CES5A: variants seen among roughly 807,000 people sequenced by gnomAD.
CES5A encodes carboxylesterase 5A, also known as carboxylesterase 5.
CES5A carries 67 observed loss-of-function variants against 62.9 expected under a neutral mutation model. The observed-to-expected ratio is 1.07, with a 90% CI of 0.88 to 1.31. CES5A has a LOEUF of 1.31. Among genes scored for constraint, CES5A ranks in the 50% most tolerant of loss-of-function variants. CES5A has a pLI of 0.00. For synonymous variants in CES5A, 296 were observed against 280.8 expected, an observed-to-expected ratio of 1.05 and a Z score of -0.54; for missense variants, 748 against 708.5, an observed-to-expected ratio of 1.06 and a Z score of -0.63.
At chr16:55,930,533 CCTTGTGCCACCT>C (rs1833927268) in intron 2 of CES5A, among the ~76,000 whole-genome samples, 1 of 152,142 alleles carries the variant, frequency 6.6e-6, no homozygotes, top group East Asian at 1.9e-4. Flanking sequence ...CCATGTGATG[CCTTGTGCCACCT>C]TGGGACTCTG....
At chr16:55,943,024 A>G (rs2034460847) in intron 2 of CES5A, among the ~76,000 whole-genome samples, 1 of 152,242 alleles carries the variant, frequency 6.6e-6, no homozygotes, top group South Asian at 2.1e-4. Flanking sequence ...TTGGCTACAA[A>G]TGAGCCCAAG....
chr16:55,890,379 T>C (rs1170428830), intron 1 of CES5A, among the ~76,000 whole-genome samples: 2 of 152,174 alleles, frequency 1.3e-5, no homozygotes, highest in African/African-American at 4.8e-5. Flanking sequence ...AATTTTTTTT[T>C]TTTAATTTTA....
intron 1 of CES5A, among the ~76,000 whole-genome samples, chr16:55,917,159 T>C (rs960280853): frequency 6.6e-6 from 1 of 152,228 alleles, no homozygotes; most frequent in Non-Finnish European, 1.5e-5. Flanking sequence ...TCCAGTTCCA[T>C]GGTTTTAAGT....
At chr16:55,859,715 C>G (rs1460414021) in intron 7 of CES5A, 28 bp from the exon 8 acceptor site, 3 of 1,581,214 alleles carry the variant, frequency 1.9e-6, no homozygotes, top group Admixed American at 1.9e-5. Context: ...AAAAAATCAT[C>G]AGCTATCATC....
chr16:55,912,498 G>A (rs1360878038), intron 1 of CES5A, among the ~76,000 whole-genome samples: 2 of 151,938 alleles, frequency 1.3e-5, no homozygotes, highest in Non-Finnish European at 2.9e-5. Flanking sequence ...GGAGGAGGAC[G>A]AGGAGGAGGA....
intron 1 of CES5A, among the ~76,000 whole-genome samples, chr16:55,891,183 G>A (rs947811707): frequency 1.3e-5 from 2 of 152,114 alleles, no homozygotes; most frequent in African/African-American, 2.4e-5. Context: ...TAGCCTGTGT[G>A]GTCTAACCCT....
chr16:55,846,436 CAG>C lies in CES5A; in HGVS notation c.*13_*14del. ...GGGAGGAGAAGGGAAACCAAAATCA[CAG>C]AAAGATAACTTCTCAAGGAGCACAA... On this transcript the variant is annotated 3_prime_UTR_variant, in exon 13 of 13. Coordinates refer to ENST00000290567, the MANE Select transcript of CES5A (RefSeq NM_001143685.2). The C allele has an allele frequency of 6.2e-7, 1 of 1,602,176 alleles. No individual in the cohort carries two copies. Among genetic ancestry groups the C allele is most frequent in the South Asian group, 1.1e-5 (1 of 90,522 alleles).
At chr16:55,849,899 T>G (rs2033096794) in intron 10 of CES5A, 126 bp from the exon 11 acceptor site, 2 of 945,200 alleles carry the variant, frequency 2.1e-6, no homozygotes, top group East Asian at 5.3e-5. Context: ...ACAGCTCACT[T>G]CCCCCTTCCT....
chr16:55,886,666 T>C (rs2033818930), intron 1 of CES5A, among the ~76,000 whole-genome samples: 1 of 152,092 alleles, frequency 6.6e-6, no homozygotes, highest in African/African-American at 2.4e-5. Flanking sequence ...AATCAAACTC[T>C]CTTTGGTAAC....
At chr16:55,847,424 T>C (rs1256302114) in intron 11 of CES5A, among the ~76,000 whole-genome samples, 1 of 151,942 alleles carries the variant, frequency 6.6e-6, no homozygotes, top group East Asian at 1.9e-4. Context: ...CCCACACACA[T>C]TTTTACAATT....
At chr16:55,858,731 T>G (rs1201932985) in intron 8 of CES5A, among the ~76,000 whole-genome samples, 2 of 152,228 alleles carry the variant, frequency 1.3e-5, no homozygotes, top group African/African-American at 2.4e-5. Context: ...TCTATATAAA[T>G]GAGCTTCAAC....
At chr16:55,935,480 T>G (rs2034363625) in intron 2 of CES5A, among the ~76,000 whole-genome samples, 1 of 152,178 alleles carries the variant, frequency 6.6e-6, no homozygotes. Context: ...CAGAATAATA[T>G]TTGGCCAAAT....
chr16:55,907,000 GA>G (rs1488188065), intron 1 of CES5A, among the ~76,000 whole-genome samples: 1 of 152,212 alleles, frequency 6.6e-6, no homozygotes, highest in Non-Finnish European at 1.5e-5. Flanking sequence ...TTGTTGTAAA[GA>G]TTAAAAAGTT....
chr16:55,915,097 A>G (rs955483137), intron 1 of CES5A, among the ~76,000 whole-genome samples: 2 of 151,304 alleles, frequency 1.3e-5, no homozygotes, highest in African/African-American at 4.9e-5. Context: ...CTGTGTGTTG[A>G]TATTACTCCA....
intron 11 of CES5A, among the ~76,000 whole-genome samples, chr16:55,848,280 G>T (rs1225524416): frequency 6.6e-6 from 1 of 151,200 alleles, no homozygotes; most frequent in Non-Finnish European, 1.5e-5. Context: ...AATTTTGTTT[G>T]TTATTATTAT....
At chr16:55,892,733 A>T (rs1597137974) in intron 1 of CES5A, among the ~76,000 whole-genome samples, 1 of 152,096 alleles carries the variant, frequency 6.6e-6, no homozygotes, top group East Asian at 1.9e-4. Context: ...ACAAAAAAAA[A>T]TAGTGGATAG....
chr16:55,926,911 A>G (rs552600362), upstream of CES5A, among the ~76,000 whole-genome samples: 1 of 152,254 alleles, frequency 6.6e-6, no homozygotes, highest in East Asian at 1.9e-4. Flanking sequence ...TTGATTGTGC[A>G]TTGTCTTTAG....
intron 1 of CES5A, among the ~76,000 whole-genome samples, chr16:55,907,939 G>A (rs1300964893): frequency 6.6e-6 from 1 of 152,102 alleles, no homozygotes; most frequent in Non-Finnish European, 1.5e-5. Flanking sequence ...CCCTCTTTCT[G>A]TCCCACTCAC....
At chr16:55,948,128 C>G (rs761051080) in intron 2 of CES5A, among the ~76,000 whole-genome samples, 2 of 151,680 alleles carry the variant, frequency 1.3e-5, no homozygotes, top group Non-Finnish European at 2.9e-5. Context: ...TTGATTTTGC[C>G]CAGGTTGAGG....
Sources: allele counts gnomAD v4.1 joint callset (sites outside exome capture counted in the v4.1 genomes callset), GRCh38; gene constraint gnomAD v4.1.1; transcripts MANE v1.5; gene names NCBI Gene and HGNC (gene_info 2026-07-23, HGNC 2026-07-21).